Variants in TERF2 observed in about 807,000 individuals in gnomAD.
TERF2 encodes telomeric repeat-binding factor 2.
Under a neutral mutation model 56.1 loss-of-function variants are expected in TERF2, and 16 were observed. That is an observed-to-expected ratio of 0.29 (90% confidence interval 0.19 to 0.43). TERF2 has a LOEUF of 0.43. Ranked by LOEUF, TERF2 falls within the 20% of genes least tolerant of loss-of-function variation. The pLI is 1.00. For synonymous variants in TERF2, 296 were observed against 282.1 expected (o/e 1.05, Z -0.50); for missense variants, 547 against 712.9 (o/e 0.77, Z 2.65).
At chr16:69,369,015 A>T (rs2013463964) in intron 5 of TERF2, among the ~76,000 whole-genome samples, 1 of 137,046 alleles carries the variant, frequency 7.3e-6, no homozygotes, top group East Asian at 2.0e-4. Context: ...TGTGTATAGA[A>T]TTTTTATAAC....
chr16:69,358,243 G>A (rs1231890330), intron 8 of TERF2, among the ~76,000 whole-genome samples: 5 of 152,090 alleles, frequency 3.3e-5, no homozygotes, highest in Non-Finnish European at 7.4e-5. Flanking sequence ...TCCATCTCCC[G>A]ACCTCATGAT....
chr16:69,360,752 AT>A (rs1050564323), intron 8 of TERF2, among the ~76,000 whole-genome samples: 1 of 150,390 alleles, frequency 6.6e-6, no homozygotes, highest in Admixed American at 6.6e-5. Flanking sequence ...AACTGTTAAG[AT>A]TTTTTTTTCT....
intron 7 of TERF2, among the ~76,000 whole-genome samples, chr16:69,361,919 C>T (rs1010460094): frequency 3.2e-5 from 3 of 94,722 alleles, no homozygotes. Context: ...CTCACGGCGC[C>T]TTTCATCAGT....
At chr16:69,380,017 G>T (rs989017121) in intron 3 of TERF2, among the ~76,000 whole-genome samples, 2 of 151,920 alleles carry the variant, frequency 1.3e-5, no homozygotes, top group African/African-American at 4.8e-5. Context: ...GGGTTCAAGC[G>T]ATTCTCATGC....
intron 3 of TERF2, among the ~76,000 whole-genome samples, chr16:69,380,626 C>T (rs2013961942): frequency 6.7e-6 from 1 of 150,210 alleles, no homozygotes; most frequent in Non-Finnish European, 1.5e-5. Flanking sequence ...CACTATACTC[C>T]AGCCTGGGCG....
At chr16:69,359,616 T>C (rs1644846710) in intron 8 of TERF2, among the ~76,000 whole-genome samples, 1 of 145,280 alleles carries the variant, frequency 6.9e-6, no homozygotes, top group Admixed American at 6.8e-5. Context: ...TTCCTCTTAC[T>C]ATCATTCCCA....
intron 8 of TERF2, among the ~76,000 whole-genome samples, chr16:69,359,899 G>A (rs977391106): frequency 1.3e-5 from 2 of 150,746 alleles, no homozygotes; most frequent in Non-Finnish European, 3.0e-5. Context: ...GATTACAGGC[G>A]TGAGCCACCA....
intron 3 of TERF2, among the ~76,000 whole-genome samples, chr16:69,372,763 C>CA (rs913098588): frequency 5.3e-5 from 8 of 151,454 alleles, no homozygotes; most frequent in African/African-American, 7.3e-5. Flanking sequence ...AACTCCATCT[C>CA]AAAAAAAACA....
intron 5 of TERF2, 134 bp downstream of exon 5, chr16:69,370,349 G>A: frequency 8.0e-7 from 1 of 1,257,822 alleles, no homozygotes; most frequent in Non-Finnish European, 1.1e-6. Flanking sequence ...CATTTTTAAG[G>A]CATTTAATTA....
rs1045500669 is a variant in TERF2 at position 69,374,596 on chromosome 16, C to A, written c.607-2241G>T. Among the ~76,000 whole-genome samples, 3 of 126,564 alleles carry A rather than the reference C, an allele frequency of 2.4e-5. No homozygotes were observed. In the Admixed American group the frequency reaches 2.9e-4, roughly 12 times the overall value. 83.0% of individuals were successfully genotyped at this position (126,564 alleles called of 152,430 possible). A position where few individuals can be genotyped will look rare whatever the true frequency, so the allele number is the denominator to read the frequency against. Reference sequence around the variant, plus strand: ...TATGATCATGCCACTGCACTCCAGCCTGGGCAGTAAAGCGAGACCCTCTCT... The same window carrying A: ...TATGATCATGCCACTGCACTCCAGCATGGGCAGTAAAGCGAGACCCTCTCT... On this transcript the variant is annotated intron_variant, in intron 3 of 9. Transcript: ENST00000254942.
Position 69,385,895 on chromosome 16 carries a change from C to G in TERF2, c.77G>C (p.Arg26Thr), listed in dbSNP as rs940851893. The G allele has an allele frequency of 1.5e-6, 2 of 1,379,304 alleles. No homozygotes were observed. The highest frequency in any genetic ancestry group is 2.7e-4 in the Middle Eastern group (1 of 3,748). The allele number at this position is 1,379,304 out of a possible 1,614,324, so 85.4% of individuals were successfully genotyped here. The change falls in exon 1 of 10, where the codon AGG becomes ACG. Residue 26 changes from arginine to threonine, a missense_variant. By Grantham distance (71) the Arg-to-Thr change is moderately conservative. Transcript: ENST00000254942. ...CCCGCCCTCCCGGCCGGGCCGCTTC[C>G]TCGGCTGTGACGCCGCTGGGTCACG... ...VVRDPAASQP[R>T]KRPGREGGEG...
At chr16:69,359,840 C>T (rs535043674) in intron 8 of TERF2, among the ~76,000 whole-genome samples, 1 of 151,546 alleles carries the variant, frequency 6.6e-6, no homozygotes, top group South Asian at 2.1e-4. Flanking sequence ...ATGCTGGTGT[C>T]GAACTTCTGA....
chr16:69,362,711 C>T (rs913696980), intron 7 of TERF2, among the ~76,000 whole-genome samples: 7 of 152,194 alleles, frequency 4.6e-5, no homozygotes, highest in Non-Finnish European at 2.9e-5. Context: ...ATCAACTTTG[C>T]ATTTACCTGA....
chr16:69,361,532 C>A (rs181761849), intron 7 of TERF2, 43 bp from the exon 8 acceptor site: 1 of 1,352,516 alleles, frequency 7.4e-7, no homozygotes, highest in Non-Finnish European at 1.1e-6. Context: ...AACAAATTCA[C>A]CCTGGATTGT....
chr16:69,383,865 C>T (rs938183335), intron 3 of TERF2, among the ~76,000 whole-genome samples: 7 of 152,170 alleles, frequency 4.6e-5, no homozygotes, highest in African/African-American at 1.7e-4. Flanking sequence ...ATCTTCACCT[C>T]TGCATCTGCT....
chr16:69,370,719 T>C, intron 4 of TERF2, 90 bp from the exon 5 acceptor site: 1 of 1,304,012 alleles, frequency 7.7e-7, no homozygotes, highest in Non-Finnish European at 1.1e-6. Flanking sequence ...CTATGAGAAC[T>C]TCTGCAATGC....
At chr16:69,385,352 C>A in intron 2 of TERF2, 39 bp downstream of exon 2, 1 of 1,550,840 alleles carries the variant, frequency 6.4e-7, no homozygotes. Context: ...CAAAACCCTA[C>A]GCAAGTAAGC....
At chr16:69,369,240 C>CT (rs2013474887) in intron 5 of TERF2, among the ~76,000 whole-genome samples, 1 of 152,114 alleles carries the variant, frequency 6.6e-6, no homozygotes, top group Non-Finnish European at 1.5e-5. Context: ...TATAAATAAT[C>CT]TGAGATTTGC....
intron 3 of TERF2, among the ~76,000 whole-genome samples, chr16:69,380,369 T>G (rs2013949983): frequency 6.6e-6 from 1 of 152,014 alleles, no homozygotes; most frequent in Admixed American, 6.6e-5. Flanking sequence ...CACATTAAAA[T>G]CCATCAGTCA....
Sources: gnomAD v4.1 joint callset for allele counts (sites outside exome capture counted in the v4.1 genomes callset) on GRCh38, gnomAD v4.1.1 for gene constraint, MANE v1.5 for transcripts, NCBI Gene and HGNC (gene_info 2026-07-23, HGNC 2026-07-21) for gene names.